TEX11: variants seen among roughly 807,000 people sequenced by gnomAD.
TEX11 encodes testis expressed 11, also known as testis-expressed protein 11.
Under a neutral mutation model 84.4 loss-of-function variants are expected in TEX11, and 7 were observed. That is an observed-to-expected ratio of 0.08 (90% CI 0.05 to 0.16). TEX11 has a LOEUF of 0.16. TEX11 is among the 10% of genes least tolerant of loss of function. The probability of loss-of-function intolerance (pLI) is 1.00; values close to 1 mark genes in which losing one functional copy is unlikely to be tolerated. For missense variants in TEX11, 551 were observed against 660.5 expected, an observed-to-expected ratio of 0.83 and a Z score of 1.82; for synonymous variants, 264 against 222.8, an observed-to-expected ratio of 1.18 and a Z score of -1.64.
At chrX:70,643,820 A>G (rs1353274841) in intron 17 of TEX11, among the ~76,000 whole-genome samples, 1 of 110,224 alleles carries the variant, frequency 9.1e-6, no homozygotes, top group African/African-American at 3.3e-5. Context: ...TAAAAACCCT[A>G]GAAGAAATCC....
At chrX:70,641,944 C>T (rs758942984) in intron 17 of TEX11, among the ~76,000 whole-genome samples, 155 of 110,931 alleles carry the variant, frequency 1.4e-3, no homozygotes, top group Non-Finnish European at 2.1e-3. Context: ...GAAATAGAGA[C>T]ACAAAAAAGC....
At chrX:70,795,885 T>C (rs897956994) in intron 9 of TEX11, among the ~76,000 whole-genome samples, 1 of 110,801 alleles carries the variant, frequency 9.0e-6, no homozygotes, top group Non-Finnish European at 1.9e-5. Context: ...AAATGATGGA[T>C]ACAAATAAGC....
At chrX:70,763,237 TATACACC>T (rs1225750371) in intron 9 of TEX11, among the ~76,000 whole-genome samples, 2 of 111,672 alleles carry the variant, frequency 1.8e-5, no homozygotes. Flanking sequence ...AGAAAATGTA[TATACACC>T]ATAGAATACT....
chrX:70,713,002 A>C (rs1440893807), intron 13 of TEX11, among the ~76,000 whole-genome samples: 1 of 111,272 alleles, frequency 9.0e-6, no homozygotes, highest in Non-Finnish European at 1.9e-5. Flanking sequence ...TAGCATGAAG[A>C]GTTGTTGAAT....
At chrX:70,840,418 C>A (rs931290919) in intron 7 of TEX11, among the ~76,000 whole-genome samples, 3 of 111,332 alleles carry the variant, frequency 2.7e-5, no homozygotes, top group Non-Finnish European at 5.6e-5. Flanking sequence ...ACTTTACAGA[C>A]AAGCAAATGC....
chrX:70,590,534 A>C (rs1160972555), intron 25 of TEX11, among the ~76,000 whole-genome samples: 3 of 111,544 alleles, frequency 2.7e-5, no homozygotes, highest in Non-Finnish European at 5.6e-5. Context: ...GACTATCTCC[A>C]TAAAGTCTGA....
downstream of TEX11, among the ~76,000 whole-genome samples, chrX:70,524,558 T>TTTG (rs769977419): frequency 2.7e-5 from 3 of 112,274 alleles, no homozygotes; most frequent in African/African-American, 9.7e-5. Flanking sequence ...AGATGGTTTT[T>TTTG]TTGTTGTTGT....
At chrX:70,757,315 T>C (rs758488106) in intron 9 of TEX11, among the ~76,000 whole-genome samples, 2 of 110,781 alleles carry the variant, frequency 1.8e-5, no homozygotes, top group African/African-American at 6.6e-5. Context: ...AGACACACAA[T>C]TGTCAGATTC....
intron 9 of TEX11, among the ~76,000 whole-genome samples, chrX:70,772,641 A>G (rs2090978507): frequency 9.0e-6 from 1 of 111,493 alleles, no homozygotes; most frequent in Admixed American, 9.6e-5. Flanking sequence ...AGCACCAGTC[A>G]CCAATTCTAA....
chrX:70,566,057 GT>G (rs1178085429), intron 25 of TEX11, among the ~76,000 whole-genome samples: 2 of 108,842 alleles, frequency 1.8e-5, no homozygotes, highest in Admixed American at 9.8e-5. Context: ...TCTTCCATTT[GT>G]TTGTATCCTC....
the TEX11 span, among the ~76,000 whole-genome samples, chrX:70,511,752 C>CAAAAAAAAAAAAA: frequency 3.7e-4 from 12 of 32,708 alleles, no homozygotes; most frequent in Non-Finnish European, 7.6e-4. Flanking sequence ...GACTCCATCT[C>CAAAAAAAAAAAAA]AAAAAAAAAA....
Position 70,744,235 on chromosome X carries a change from A to AG in TEX11, c.693-17_693-16insC. The AG allele has an allele frequency of 1.9e-6, 1 of 531,180 alleles. No individual in the cohort carries two copies. The allele number at this position is 531,180 out of a possible 1,213,427, so 43.8% of individuals were successfully genotyped here. A position where few individuals can be genotyped will look rare whatever the true frequency, so the allele number is the denominator to read the frequency against. On this transcript the variant is annotated splice_polypyrimidine_tract_variant and intron_variant, in intron 9 of 29. Coordinates refer to ENST00000374333, the MANE Select transcript of TEX11 (RefSeq NM_031276.3). The stretch of plus-strand genomic sequence containing the variant: ...ATAGCTTTGGCTATCATTAAAAAGG[A>AG]AAAAAAATATATATATATATATAAA...
chrX:70,853,369 A>G (rs2091519292), intron 5 of TEX11, 41 bp from the exon 6 acceptor site: 2 of 958,182 alleles, frequency 2.1e-6, no homozygotes, highest in Non-Finnish European at 1.5e-6. Flanking sequence ...AAAAATTCAT[A>G]CCTCCCCCAA....
At chrX:70,553,473 A>C in intron 26 of TEX11, 59 bp from the exon 27 acceptor site, 1 of 794,515 alleles carries the variant, frequency 1.3e-6, no homozygotes, top group Non-Finnish European at 1.8e-6. Context: ...CACAGTTTTC[A>C]TCCCAGGCTA....
At position 70,873,287 on chromosome X, in the gene TEX11, GT is replaced by G; in HGVS notation, c.179del (p.Asn60ThrfsTer9). Reference sequence around the variant, plus strand: ...CTATGGTAAGTGCCCAGTTCCATAGGTTTACTGCCATTTCTTCAATCTGGTC... The same window carrying G: ...CTATGGTAAGTGCCCAGTTCCATAGGTTACTGCCATTTCTTCAATCTGGTC... Reference protein sequence around the residue: ...TDIQIEEMAVNLWNWALTIGG... With the variant: ...TDIQIEEMAVXLWNWALTIGG... On this transcript the variant is annotated frameshift_variant, in exon 4 of 30. Transcript: ENST00000374333. LOFTEE classifies it high-confidence loss of function. 1 of 1,197,749 alleles carries G rather than the reference GT, an allele frequency of 8.3e-7. No individual in the cohort carries two copies. Among genetic ancestry groups the G allele is most frequent in the Non-Finnish European group, 1.1e-6 (1 of 883,378 alleles).
At chrX:70,739,754 C>T (rs1192503373) in intron 11 of TEX11, among the ~76,000 whole-genome samples, 1 of 111,652 alleles carries the variant, frequency 9.0e-6, no homozygotes, top group Non-Finnish European at 1.9e-5. Flanking sequence ...TGTTCCTTGT[C>T]CAGGAGTGTA....
At chrX:70,594,021 A>C (rs2088970542) in intron 24 of TEX11, among the ~76,000 whole-genome samples, 1 of 111,689 alleles carries the variant, frequency 9.0e-6, no homozygotes, top group Non-Finnish European at 1.9e-5. Flanking sequence ...ACACTCAAGA[A>C]GCCCAAAAAA....
At chrX:70,524,564 G>T (rs2147919231), downstream of TEX11, among the ~76,000 whole-genome samples, 1 of 112,283 alleles carries the variant, frequency 8.9e-6, no homozygotes, top group East Asian at 2.8e-4. Context: ...TTTTTTTGTT[G>T]TTGTTGTTGT....
intron 28 of TEX11, among the ~76,000 whole-genome samples, chrX:70,539,038 A>ATATATATTCTTT: frequency 2.4e-5 from 1 of 41,255 alleles, no homozygotes; most frequent in East Asian, 1.1e-3. Flanking sequence ...ATATATATAT[A>ATATATATTCTTT]TTTTTTTTTT....
Sources: gnomAD v4.1 joint callset for allele counts (sites outside exome capture counted in the v4.1 genomes callset) on GRCh38, gnomAD v4.1.1 for gene constraint, MANE v1.5 for transcripts, NCBI Gene and HGNC (gene_info 2026-07-23, HGNC 2026-07-21) for gene names.